SPTBN4: variants seen among roughly 807,000 people sequenced by gnomAD.
The protein encoded by SPTBN4 is spectrin beta, non-erythrocytic 4, also known as spectrin beta chain, non-erythrocytic 4.
Under a neutral mutation model 277.8 loss-of-function variants are expected in SPTBN4, and 96 were observed. The observed-to-expected ratio is 0.35, with a 90% CI of 0.29 to 0.41. SPTBN4 has a LOEUF of 0.41. Ranked by LOEUF, SPTBN4 falls within the 10% of genes least tolerant of loss-of-function variation. SPTBN4 has a pLI of 1.00. For missense variants in SPTBN4, 3,006 were observed against 3,595.7 expected (o/e 0.84, Z 4.19); for synonymous variants, 1,481 against 1,580.3 (o/e 0.94, Z 1.49).
chr19:40,520,989 A>G (rs2080520438), intron 16 of SPTBN4, among the ~76,000 whole-genome samples: 1 of 151,442 alleles, frequency 6.6e-6, no homozygotes, highest in African/African-American at 2.4e-5. Flanking sequence ...CAGTGGCGTG[A>G]TCTCAGCTCA....
intron 2 of SPTBN4, among the ~76,000 whole-genome samples, chr19:40,484,754 C>T (rs2080050363): frequency 6.6e-6 from 1 of 151,530 alleles, no homozygotes; most frequent in Admixed American, 6.6e-5. Flanking sequence ...GGTGAAACCC[C>T]ATCTCTACTA....
chr19:40,493,088 G>C, intron 5 of SPTBN4, 34 bp downstream of exon 5: 1 of 1,604,680 alleles, frequency 6.2e-7, no homozygotes, highest in Non-Finnish European at 8.5e-7. Context: ...TAGGAGGTTA[G>C]GCAAGTGGTC....
At position 40,519,782 on chromosome 19, in the gene SPTBN4, T is replaced by A; in HGVS notation, c.3285T>A (p.His1095Gln). The change falls in exon 16 of 36, where the codon CAT becomes CAA. Residue 1095 changes from histidine (H) to glutamine (Q), a missense_variant. Coordinates refer to ENST00000598249, the MANE Select transcript of SPTBN4 (RefSeq NM_020971.3). The surrounding 1 kb of genome is among the most constrained non-coding windows in gnomAD (Gnocchi z 5.7). ...AAAGRLQRFL[H>Q]DLDAFLDWLV... is the part of the protein sequence containing the mutation. ...CAGGGCGCCTGCAGCGCTTCCTACA[T>A]GACCTCGACGCTTTCCTGGACTGGC... is the stretch of plus-strand genomic sequence containing the variant. 8.4e-6 allele frequency: 12 copies of A among 1,426,598 alleles called. No homozygotes were observed. The highest frequency in any genetic ancestry group is 1.1e-5 in the Non-Finnish European group (12 of 1,104,318). 88.4% of individuals were successfully genotyped at this position (1,426,598 alleles called of 1,614,324 possible). A position where few individuals can be genotyped will look rare whatever the true frequency, so the allele number is the denominator to read the frequency against.
chr19:40,472,601 G>A lies in SPTBN4; in HGVS notation c.-15-6G>A. The A allele has an allele frequency of 6.2e-7, 1 of 1,602,686 alleles. No individual in the cohort carries two copies. On this transcript the variant is annotated splice_region_variant and splice_polypyrimidine_tract_variant and intron_variant, in intron 1 of 35. Transcript: ENST00000598249. The stretch of plus-strand genomic sequence containing the variant: ...CTAGACCTAACCTACCTCTCCCTAT[G>A]TCCAGGCCTCACCTTCCCCGATGGC...
Position 40,472,533 on chromosome 19 carries a change from G to C in SPTBN4, c.-15-74G>C. On this transcript the variant is annotated intron_variant, in intron 1 of 35. Coordinates refer to ENST00000598249, the MANE Select transcript of SPTBN4 (RefSeq NM_020971.3). The stretch of plus-strand genomic sequence containing the variant: ...CAGAGAAATTGAGGACAAGAGAGGG[G>C]ACAGGACTCAAAGCCAGTCACTGTT... The C allele has an allele frequency of 3.7e-6, 5 of 1,354,184 alleles. 1 individual carries two copies. The South Asian group carries it at 7.2e-5, about 20-fold the overall frequency. The allele number at this position is 1,354,184 out of a possible 1,614,324, so 83.9% of individuals were successfully genotyped here.
At chr19:40,500,101 C>T (rs1188736121) in intron 7 of SPTBN4, among the ~76,000 whole-genome samples, 6 of 87,466 alleles carry the variant, frequency 6.9e-5, no homozygotes, top group Admixed American at 5.8e-4. Flanking sequence ...CCCAGCTACA[C>T]AGGAGGCCAA....
At position 40,560,611 on chromosome 19, in the gene SPTBN4, C is replaced by T; in HGVS notation, c.5915+208C>T. On this transcript the variant is annotated intron_variant, in intron 27 of 35. Transcript: ENST00000598249. This position sits in a 1 kb window ranked among gnomAD's most constrained non-coding sequence, Gnocchi z 5.2. Reference sequence around the variant, plus strand: ...ATTGGGGACTTCGGTCATGGGGCATCCTTCTGTCCGCTGTCCTTCCCAGTT... The same window carrying T: ...ATTGGGGACTTCGGTCATGGGGCATTCTTCTGTCCGCTGTCCTTCCCAGTT... The T allele has an allele frequency of 6.9e-7, 1 of 1,441,696 alleles. No homozygotes were observed. Among genetic ancestry groups the T allele is most frequent in the Non-Finnish European group, 9.1e-7 (1 of 1,101,256 alleles). 89.3% of individuals were successfully genotyped at this position (1,441,696 alleles called of 1,614,324 possible). A position where few individuals can be genotyped will look rare whatever the true frequency, so the allele number is the denominator to read the frequency against.
Position 40,558,993 on chromosome 19 carries a change from C to T in SPTBN4, c.5671-1166C>T, listed in dbSNP as rs187932840. ...GTCACCCAGGCTGGAGTGTAGTGGT[C>T]TAATCTCGGCTCACTGCAACCTCTG... On this transcript the variant is annotated intron_variant, in intron 26 of 35. Transcript: ENST00000598249. 4.0e-3 allele frequency among the ~76,000 whole-genome samples: 603 copies of T among 150,674 alleles called. 2 individuals carry two copies. The highest frequency in any genetic ancestry group is 0.014 in the African/African-American group (576 of 41,006).
chr19:40,469,748 A>G (rs2079864451), intron 1 of SPTBN4, among the ~76,000 whole-genome samples: 3 of 150,580 alleles, frequency 2.0e-5, no homozygotes, highest in African/African-American at 7.3e-5. Flanking sequence ...GGTTCAAGCA[A>G]TTCTCCTGTC....
chr19:40,562,283 A>G (rs533905354), intron 27 of SPTBN4, among the ~76,000 whole-genome samples: 2 of 152,300 alleles, frequency 1.3e-5, no homozygotes, highest in South Asian at 4.1e-4. Context: ...TCATCCCAGC[A>G]CTTTGGGAGG....
Position 40,523,456 on chromosome 19 carries a change from C to A in SPTBN4, c.3674C>A (p.Ala1225Glu), listed in dbSNP as rs755554918. ...CCCCAGGAGATGGCGCTGTCTGGTG[C>A]GGAGCTCCCGGGCACAGTGGAATCG... ...LRNQEMALSGAELPGTVESVE... is the reference protein window; with the variant it reads ...LRNQEMALSGEELPGTVESVE... Residue 1225 changes from alanine (A) to glutamate (E), a missense_variant, in exon 17 of 36, where the codon GCG becomes GAG. Ala to Glu is a moderately radical substitution (Grantham distance 107, BLOSUM62 -1). Coordinates refer to ENST00000598249, the MANE Select transcript of SPTBN4 (RefSeq NM_020971.3). The A allele has an allele frequency of 1.9e-6, 3 of 1,608,508 alleles. No homozygotes were observed. The highest frequency in any genetic ancestry group is 1.1e-5 in the South Asian group (1 of 90,064).
At chr19:40,539,978 C>T (rs550844714) in intron 20 of SPTBN4, among the ~76,000 whole-genome samples, 16 of 150,808 alleles carry the variant, frequency 1.1e-4, no homozygotes, top group African/African-American at 3.9e-4. Flanking sequence ...CAGGCTGGAG[C>T]GCAGTGGCAC....
chr19:40,565,467 T>C lies in SPTBN4; in HGVS notation c.5960T>C (p.Leu1987Pro). The C allele has an allele frequency of 6.2e-7, 1 of 1,614,056 alleles. No individual in the cohort carries two copies. Among genetic ancestry groups the C allele is most frequent in the Non-Finnish European group, 8.5e-7 (1 of 1,179,992 alleles). ...VEVLMNYHQG[L>P]KTELEARVPE... ...GTGCTCATGAACTACCACCAGGGCCTGAAGACTGAGCTGGAGGCGCGGGTG... is the reference window on the plus strand; with the variant it reads ...GTGCTCATGAACTACCACCAGGGCCCGAAGACTGAGCTGGAGGCGCGGGTG... Residue 1987 changes from leucine (L) to proline (P), a missense_variant, in exon 28 of 36, where the codon CTG becomes CCG. Coordinates refer to ENST00000598249, the MANE Select transcript of SPTBN4 (RefSeq NM_020971.3).
intron 33 of SPTBN4, among the ~76,000 whole-genome samples, chr19:40,571,389 G>A (rs1203556137): frequency 6.6e-6 from 1 of 152,184 alleles, no homozygotes; most frequent in Non-Finnish European, 1.5e-5. Context: ...TCCAGCTCCT[G>A]CTTGTCCACC....
chr19:40,523,573 G>A lies in SPTBN4; in HGVS notation c.3791G>A (p.Gly1264Asp), dbSNP rs771773135. Residue 1264 changes from glycine to aspartate, a missense_variant, in exon 17 of 36, where the codon GGC becomes GAC. This residue lies in a region of SPTBN4 where 1,759 missense variants were observed against 2,061.5 expected (regional missense o/e 0.85). Transcript: ENST00000598249. ...CAGGTGGCCGTGCAGGCTGCAGAGGGCCTGCTGAGGCAGGGCAACATCTAC... is the reference window on the plus strand; with the variant it reads ...CAGGTGGCCGTGCAGGCTGCAGAGGACCTGCTGAGGCAGGGCAACATCTAC... ...KMQVAVQAAE[G>D]LLRQGNIYGE... 6.2e-7 allele frequency: 1 copy of A among 1,614,168 alleles called. No homozygotes were observed. The highest frequency in any genetic ancestry group is 1.7e-5 in the Admixed American group (1 of 60,012).
chr19:40,530,441 GGC>G (rs1327069253), intron 18 of SPTBN4: 5 of 936,136 alleles, frequency 5.3e-6, no homozygotes, highest in Non-Finnish European at 6.3e-6. Flanking sequence ...CACGCGGGCG[GGC>G]GCGCGGCCGC....
In SPTBN4 at chr19:40,506,373, C is replaced by T; in HGVS notation, c.1803C>T (p.Phe601=). The T allele has an allele frequency of 6.2e-7, 1 of 1,612,148 alleles. No individual in the cohort carries two copies. The change falls in exon 13 of 36, where the codon TTC becomes TTT. Residue 601 remains phenylalanine (F), a synonymous_variant. Coordinates refer to ENST00000598249, the MANE Select transcript of SPTBN4 (RefSeq NM_020971.3). ...VEALNAAALR[F]SQLQGYQPCD... is the part of the protein sequence containing the mutation. ...CTCTCAATGCCGCTGCCCTGCGCTTCTCCCAGCTGCAGGGTGAGTCTTGGG... is the reference window on the plus strand; with the variant it reads ...CTCTCAATGCCGCTGCCCTGCGCTTTTCCCAGCTGCAGGGTGAGTCTTGGG...
intron 20 of SPTBN4, among the ~76,000 whole-genome samples, chr19:40,542,339 A>C: frequency 6.6e-6 from 1 of 151,142 alleles, no homozygotes; most frequent in Non-Finnish European, 1.5e-5. Context: ...GCTCTCTGGG[A>C]CCCCACCTCC....
intron 15 of SPTBN4, among the ~76,000 whole-genome samples, chr19:40,518,138 T>G (rs947123871): frequency 9.9e-5 from 15 of 152,068 alleles, no homozygotes; most frequent in Admixed American, 6.5e-4. Flanking sequence ...AAACCCCATC[T>G]CTATTAAAAA....
Sources: gnomAD v4.1 joint callset for allele counts (sites outside exome capture counted in the v4.1 genomes callset) on GRCh38, gnomAD v4.1.1 for gene constraint, gnomAD v4.1.1 regional missense constraint, Gnocchi (gnomAD v3.1) non-coding constraint, MANE v1.5 for transcripts, NCBI Gene and HGNC (gene_info 2026-07-23, HGNC 2026-07-21) for gene names.